The following CDH4 variants were observed in gnomAD, a reference collection of about 807,000 sequenced individuals.
The protein encoded by CDH4 is cadherin 4.
A neutral mutation model predicts 86.0 loss-of-function variants in CDH4; 33 were observed. The observed-to-expected ratio is 0.38, with a 90% CI of 0.29 to 0.51. The LOEUF (loss-of-function observed/expected upper bound fraction) is 0.51. Among genes scored for constraint, CDH4 ranks in the 20% least tolerant of loss-of-function variants. The pLI, the probability that CDH4 is intolerant of heterozygous loss-of-function variation, is 0.86. For synonymous variants in CDH4, 555 were observed against 549.4 expected, an observed-to-expected ratio of 1.01 and a Z score of -0.14; for missense variants, 1,114 against 1,307.4, an observed-to-expected ratio of 0.85 and a Z score of 2.28.
At chr20:61,602,143 C>T (rs374541895) in intron 2 of CDH4, among the ~76,000 whole-genome samples, 10 of 152,292 alleles carry the variant, frequency 6.6e-5, no homozygotes, top group South Asian at 6.2e-4. Context: ...TGCAGCAGGT[C>T]CTCATCATGT....
chr20:61,642,835 G>A (rs567441499), intron 2 of CDH4, among the ~76,000 whole-genome samples: 2 of 152,204 alleles, frequency 1.3e-5, no homozygotes, highest in African/African-American at 2.4e-5. Context: ...CCCCATCTCT[G>A]AAGCCAGAAA....
At chr20:61,624,718 T>C (rs1238111600) in intron 2 of CDH4, among the ~76,000 whole-genome samples, 1 of 152,198 alleles carries the variant, frequency 6.6e-6, no homozygotes, top group Non-Finnish European at 1.5e-5. Context: ...CAGTGGTGAA[T>C]TCTCTGTTGA....
chr20:61,265,357 C>T (rs150485599), intron 2 of CDH4, among the ~76,000 whole-genome samples: 1 of 152,076 alleles, frequency 6.6e-6, no homozygotes, highest in Non-Finnish European at 1.5e-5. Context: ...CTCAGTGGCT[C>T]CTTCATTCAA....
At chr20:61,302,178 A>C (rs1038235594) in intron 2 of CDH4, among the ~76,000 whole-genome samples, 3 of 152,194 alleles carry the variant, frequency 2.0e-5, no homozygotes, top group African/African-American at 7.2e-5. Context: ...CTGGGCGGTG[A>C]CCTGCAGCTC....
intron 2 of CDH4, among the ~76,000 whole-genome samples, chr20:61,333,182 G>A (rs2084593431): frequency 6.6e-6 from 1 of 152,188 alleles, no homozygotes; most frequent in African/African-American, 2.4e-5. Context: ...AGGTAGGTGT[G>A]ACAACTGCTT....
At chr20:61,499,957 G>A (rs1238397976) in intron 2 of CDH4, among the ~76,000 whole-genome samples, 1 of 152,210 alleles carries the variant, frequency 6.6e-6, no homozygotes, top group East Asian at 1.9e-4. Flanking sequence ...GCACCCAGGA[G>A]GCACGGGCGC....
Position 61,811,961 on chromosome 20 carries a change from T to C in CDH4, c.577-32707T>C, listed in dbSNP as rs1980460387. Among the ~76,000 whole-genome samples the C allele has an allele frequency of 6.6e-6, 1 of 152,110 alleles. No homozygotes were observed. Among genetic ancestry groups the C allele is most frequent in the Non-Finnish European group, 1.5e-5 (1 of 68,026 alleles). On this transcript the variant is annotated intron_variant, in intron 4 of 15. Coordinates refer to ENST00000614565, the MANE Select transcript of CDH4 (RefSeq NM_001794.5). The surrounding 1 kb of genome is among the most constrained non-coding windows in gnomAD (Gnocchi z 4.4). ...TGCTAGGATTATAGGCATGAGCCACTGCACCTAGCCGCCTGCTGTCCTTCA... is the reference window on the plus strand; with the variant it reads ...TGCTAGGATTATAGGCATGAGCCACCGCACCTAGCCGCCTGCTGTCCTTCA...
chr20:61,505,492 T>G (rs1411630474), intron 2 of CDH4, among the ~76,000 whole-genome samples: 1 of 152,188 alleles, frequency 6.6e-6, no homozygotes, highest in Non-Finnish European at 1.5e-5. Context: ...GCACTGCAGA[T>G]GGAGGAGGCG....
intron 2 of CDH4, chr20:61,570,565 T>C (rs1248579731): frequency 3.0e-6 from 2 of 665,128 alleles, no homozygotes; most frequent in East Asian, 2.7e-5. Flanking sequence ...GCGTTGACTT[T>C]TGTGGCTTCC....
intron 2 of CDH4, among the ~76,000 whole-genome samples, chr20:61,636,857 C>G (rs2086952347): frequency 6.6e-6 from 1 of 152,218 alleles, no homozygotes. Flanking sequence ...TACCACCAGG[C>G]TGCATGGAGG....
chr20:61,413,274 T>A (rs2085129567), intron 2 of CDH4, among the ~76,000 whole-genome samples: 1 of 149,872 alleles, frequency 6.7e-6, no homozygotes, highest in African/African-American at 2.4e-5. Context: ...GCTTTCCAGC[T>A]GGTTGTGTTT....
chr20:61,399,067 G>A (rs1438972514), intron 2 of CDH4, among the ~76,000 whole-genome samples: 1 of 151,854 alleles, frequency 6.6e-6, no homozygotes, highest in Non-Finnish European at 1.5e-5. Context: ...AGTCCTTAAA[G>A]CCTAGGCCTA....
At chr20:61,677,970 A>G (rs2087464096) in intron 2 of CDH4, among the ~76,000 whole-genome samples, 2 of 152,186 alleles carry the variant, frequency 1.3e-5, no homozygotes, top group South Asian at 4.1e-4. Context: ...AATAAATTAT[A>G]GATAGATGGA....
rs893407481 is a variant in CDH4 at position 61,681,428 on chromosome 20, T to G, written c.170-62135T>G. Among the ~76,000 whole-genome samples the G allele has an allele frequency of 6.6e-6, 1 of 152,190 alleles. No individual in the cohort carries two copies. The highest frequency in any genetic ancestry group is 1.5e-5 in the Non-Finnish European group (1 of 68,028). Reference sequence around the variant, plus strand: ...ATGGATTAGACAATCCTTGGAACTTTATAACTGTGTGCGTATTTCAAGGGA... The same window carrying G: ...ATGGATTAGACAATCCTTGGAACTTGATAACTGTGTGCGTATTTCAAGGGA... On this transcript the variant is annotated intron_variant, in intron 2 of 15. Transcript: ENST00000614565. The surrounding 1 kb of genome is among the most constrained non-coding windows in gnomAD (Gnocchi z 4.5).
intron 2 of CDH4, among the ~76,000 whole-genome samples, chr20:61,324,883 G>T (rs551336515): frequency 1.3e-5 from 2 of 152,154 alleles, no homozygotes; most frequent in Admixed American, 1.3e-4. Context: ...TTGGGACATG[G>T]AACTCGCTGG....
intron 6 of CDH4, among the ~76,000 whole-genome samples, chr20:61,867,706 G>A (rs776125692): frequency 1.3e-5 from 2 of 152,132 alleles, no homozygotes; most frequent in Non-Finnish European, 2.9e-5. Context: ...TTTGCCTCCT[G>A]AGGCAGGAGG....
intron 2 of CDH4, among the ~76,000 whole-genome samples, chr20:61,265,699 A>G (rs955431962): frequency 6.6e-6 from 1 of 152,320 alleles, no homozygotes. Context: ...CACAGACCTC[A>G]GTGGTTCGGG....
intron 2 of CDH4, among the ~76,000 whole-genome samples, chr20:61,376,427 G>A (rs2084872826): frequency 6.6e-6 from 1 of 152,132 alleles, no homozygotes. Context: ...TGGGAAGGGA[G>A]ACAGCAAGAC....
chr20:61,489,778 G>T (rs764650439), intron 2 of CDH4, among the ~76,000 whole-genome samples: 2 of 152,228 alleles, frequency 1.3e-5, no homozygotes, highest in Non-Finnish European at 2.9e-5. Flanking sequence ...GCCATTAACT[G>T]ACTTGCTTTT....
Sources: allele counts gnomAD v4.1 joint callset (sites outside exome capture counted in the v4.1 genomes callset), GRCh38; gene constraint gnomAD v4.1.1; non-coding constraint Gnocchi (gnomAD v3.1); transcripts MANE v1.5; gene names NCBI Gene and HGNC (gene_info 2026-07-23, HGNC 2026-07-21).